The following POLN variants were observed in gnomAD, a reference collection of about 807,000 sequenced individuals.
The protein encoded by POLN is DNA polymerase nu.
Under a neutral mutation model 113.5 loss-of-function variants are expected in POLN, and 108 were observed. The observed-to-expected ratio is 0.95, with a 90% confidence interval of 0.81 to 1.12. The LOEUF is 1.12. Ranked by LOEUF, POLN falls within the 50% of genes most tolerant of loss-of-function variation. The pLI, the probability that POLN is intolerant of heterozygous loss-of-function variation, is 0.00. For missense variants in POLN, 1,097 were observed against 1,077.1 expected, an observed-to-expected ratio of 1.02 and a Z score of -0.26; for synonymous variants, 386 against 391.5, an observed-to-expected ratio of 0.99 and a Z score of 0.17.
intron 3 of POLN, among the ~76,000 whole-genome samples, chr4:2,223,890 G>A (rs1450031915): frequency 6.6e-6 from 1 of 152,192 alleles, no homozygotes; most frequent in Non-Finnish European, 1.5e-5. Flanking sequence ...AAACCTTAGT[G>A]CATTACTGTA....
At chr4:2,225,891 C>T (rs1023021400) in intron 3 of POLN, among the ~76,000 whole-genome samples, 27 of 151,882 alleles carry the variant, frequency 1.8e-4, no homozygotes, top group African/African-American at 6.5e-4. Flanking sequence ...GTCCCAGCTA[C>T]TCAGGAGGCT....
intron 7 of POLN, among the ~76,000 whole-genome samples, chr4:2,192,419 A>C (rs1733474111): frequency 6.6e-6 from 1 of 151,874 alleles, no homozygotes; most frequent in Non-Finnish European, 1.5e-5. Flanking sequence ...GGCTCACTGC[A>C]ACCTCCACCT....
In POLN at chr4:2,075,523, G is replaced by A. The variant is rs3117814; in HGVS notation, c.2388-4C>T. On this transcript the variant is annotated splice_polypyrimidine_tract_variant and splice_region_variant and intron_variant, in intron 23 of 25. Transcript: ENST00000511885. ...ATCATGGATCTGGGCCACCAGCCTGGCAGGGAGGGAAGGAGTCACCCTGGG... is the reference window on the plus strand; with the variant it reads ...ATCATGGATCTGGGCCACCAGCCTGACAGGGAGGGAAGGAGTCACCCTGGG... 1.9e-6 allele frequency: 3 copies of A among 1,613,136 alleles called. No individual in the cohort carries two copies. Among genetic ancestry groups the A allele is most frequent in the Non-Finnish European group, 2.5e-6 (3 of 1,179,896 alleles).
chr4:2,074,314 C>T (rs1404136663), intron 24 of POLN, among the ~76,000 whole-genome samples: 1 of 152,172 alleles, frequency 6.6e-6, no homozygotes, highest in African/African-American at 2.4e-5. Flanking sequence ...ATGGTGCAGG[C>T]CCCGCCCGAC....
intron 16 of POLN, among the ~76,000 whole-genome samples, chr4:2,149,532 T>C (rs886988306): frequency 4.6e-5 from 7 of 152,118 alleles, no homozygotes; most frequent in Admixed American, 3.3e-4. Flanking sequence ...CATGGGTAGA[T>C]AGGATTTTTC....
intron 9 of POLN, 63 bp from the exon 10 acceptor site, chr4:2,174,814 G>C: frequency 8.3e-7 from 1 of 1,204,470 alleles, no homozygotes; most frequent in Non-Finnish European, 1.2e-6. Flanking sequence ...GCATTTTGTT[G>C]AAAAGCCTAC....
intron 13 of POLN, among the ~76,000 whole-genome samples, chr4:2,160,784 C>A (rs1732561385): frequency 6.6e-6 from 1 of 151,982 alleles, no homozygotes; most frequent in African/African-American, 2.4e-5. Flanking sequence ...TCAAGTTTTC[C>A]CTTTATGGTT....
chr4:2,213,600 G>A (rs1486128543), intron 3 of POLN, among the ~76,000 whole-genome samples: 2 of 152,162 alleles, frequency 1.3e-5, no homozygotes, highest in African/African-American at 4.8e-5. Flanking sequence ...TCCAATCCCA[G>A]GCAATAGGAT....
chr4:2,102,011 G>T (rs1223117307), intron 19 of POLN, among the ~76,000 whole-genome samples: 1 of 152,122 alleles, frequency 6.6e-6, no homozygotes, highest in African/African-American at 2.4e-5. Context: ...GGGTGTGAGA[G>T]GGACACAAGT....
intron 16 of POLN, among the ~76,000 whole-genome samples, chr4:2,150,615 C>T (rs750663450): frequency 2.6e-5 from 4 of 151,994 alleles, no homozygotes; most frequent in Non-Finnish European, 4.4e-5. Context: ...ATAATAAAGA[C>T]AACGCACTGC....
chr4:2,236,581 G>C (rs1051492329), intron 2 of POLN: 2 of 673,052 alleles, frequency 3.0e-6, no homozygotes, highest in South Asian at 3.7e-5. Context: ...AATATTGGCC[G>C]GGTACAGTAG....
intron 20 of POLN, among the ~76,000 whole-genome samples, chr4:2,094,764 G>T (rs2108699355): frequency 6.6e-6 from 1 of 152,226 alleles, no homozygotes; most frequent in African/African-American, 2.4e-5. Flanking sequence ...CACAGTTTTG[G>T]GGCGGGGCAC....
intron 7 of POLN, among the ~76,000 whole-genome samples, chr4:2,182,729 A>C (rs1172132570): frequency 6.6e-6 from 1 of 152,148 alleles, no homozygotes; most frequent in Non-Finnish European, 1.5e-5. Context: ...AAAAAAAATG[A>C]GTAAATCTTT....
At chr4:2,142,997 C>G (rs1732041364) in intron 16 of POLN, among the ~76,000 whole-genome samples, 1 of 152,078 alleles carries the variant, frequency 6.6e-6, no homozygotes, top group African/African-American at 2.4e-5. Flanking sequence ...CTTAAATAAA[C>G]TCTCCCTTAC....
chr4:2,075,326 T>C (rs1159941528), intron 24 of POLN, 126 bp downstream of exon 24: 1 of 1,025,362 alleles, frequency 9.8e-7, no homozygotes, highest in Non-Finnish European at 1.4e-6. Context: ...ACAGCAGCAA[T>C]GAGGTGGGGC....
At chr4:2,119,509 T>C (rs540242469) in intron 19 of POLN, among the ~76,000 whole-genome samples, 4 of 152,226 alleles carry the variant, frequency 2.6e-5, no homozygotes, top group Non-Finnish European at 5.9e-5. Context: ...ATCCCAGCTC[T>C]GTGGGTCTCA....
intron 21 of POLN, among the ~76,000 whole-genome samples, chr4:2,084,293 G>T (rs763566810): frequency 6.6e-6 from 1 of 152,192 alleles, no homozygotes; most frequent in Non-Finnish European, 1.5e-5. Flanking sequence ...CCTGTTCTCT[G>T]GCCCACCTGC....
At chr4:2,176,225 G>T in intron 9 of POLN, 41 bp downstream of exon 9, 1 of 1,513,694 alleles carries the variant, frequency 6.6e-7, no homozygotes, top group Non-Finnish European at 9.1e-7. Context: ...GACATCTCTT[G>T]TGAGCCTCTG....
intron 6 of POLN, among the ~76,000 whole-genome samples, chr4:2,196,256 C>T (rs541612502): frequency 4.6e-5 from 7 of 152,152 alleles, no homozygotes; most frequent in African/African-American, 9.6e-5. Flanking sequence ...TTGCTAAATC[C>T]GGCCATCCAA....
Sources: allele counts gnomAD v4.1 joint callset (sites outside exome capture counted in the v4.1 genomes callset), GRCh38; gene constraint gnomAD v4.1.1; transcripts MANE v1.5; gene names NCBI Gene and HGNC (gene_info 2026-07-23, HGNC 2026-07-21).